The following ERBB4 variants were observed in gnomAD, a reference collection of about 807,000 sequenced individuals.
ERBB4 encodes erb-b2 receptor tyrosine kinase 4, also known as receptor tyrosine-protein kinase erbB-4.
ERBB4 carries 42 observed loss-of-function variants against 158.0 expected under a neutral mutation model. The ratio of observed to expected loss-of-function variants is 0.27; its 90% CI spans 0.21 to 0.34. The LOEUF is 0.34. Ranked by LOEUF, ERBB4 falls within the 10% of genes least tolerant of loss-of-function variation. ERBB4 has a pLI of 1.00. For synonymous variants in ERBB4, 583 were observed against 558.7 expected (o/e 1.04, Z -0.61); for missense variants, 1,333 against 1,624.1 (o/e 0.82, Z 3.08).
In ERBB4 at chr2:211,712,061, A is replaced by G. The variant is rs559570478; in HGVS notation, c.1113T>C (p.Thr371=). 4 of 1,612,108 alleles carry G rather than the reference A, an allele frequency of 2.5e-6. No individual in the cohort carries two copies. The African/African-American group carries it at 5.3e-5, about 21-fold the overall frequency. Reference sequence around the variant, plus strand: ...AATTTAATACTGACCCATGAATACCAGTGACTAGAAAGATCAAATTCCCAT... The same window carrying G: ...AATTTAATACTGACCCATGAATACCGGTGACTAGAAAGATCAAATTCCCAT... ...KINGNLIFLV[T]GIHGDPYNAI... is the part of the protein sequence containing the mutation. The change falls in exon 9 of 28, where the codon ACT becomes ACC. Residue 371 remains threonine, a synonymous_variant. Coordinates refer to ENST00000342788, the MANE Select transcript of ERBB4 (RefSeq NM_005235.3).
chr2:211,650,482 G>A (rs908932262), intron 16 of ERBB4, among the ~76,000 whole-genome samples: 3 of 151,930 alleles, frequency 2.0e-5, no homozygotes, highest in African/African-American at 7.2e-5. Flanking sequence ...AAATATACAG[G>A]TATATGCAAT....
chr2:212,317,071 C>A (rs1016767034), intron 1 of ERBB4, among the ~76,000 whole-genome samples: 1 of 151,340 alleles, frequency 6.6e-6, no homozygotes, highest in Non-Finnish European at 1.5e-5. Flanking sequence ...ATGAATTTTC[C>A]AACTAAAAAT....
At chr2:212,187,421 TAATA>T (rs71054181) in intron 1 of ERBB4, among the ~76,000 whole-genome samples, 2,452 of 146,774 alleles carry the variant, frequency 0.017, 43 homozygotes, top group African/African-American at 0.053. Flanking sequence ...TAAAGTATAA[TAATA>T]AATAAATAAA....
intron 1 of ERBB4, among the ~76,000 whole-genome samples, chr2:212,522,671 T>C (rs1404850521): frequency 6.6e-6 from 1 of 151,976 alleles, no homozygotes; most frequent in Non-Finnish European, 1.5e-5. Context: ...ATTACCTTTA[T>C]TCATTGCCTC....
intron 1 of ERBB4, among the ~76,000 whole-genome samples, chr2:212,360,680 T>G (rs2089652944): frequency 6.6e-6 from 1 of 151,698 alleles, no homozygotes; most frequent in African/African-American, 2.4e-5. Context: ...AAATGACCCT[T>G]TCTACCACAG....
intron 2 of ERBB4, among the ~76,000 whole-genome samples, chr2:212,120,938 C>CT (rs1206791412): frequency 6.6e-6 from 1 of 152,126 alleles, no homozygotes; most frequent in East Asian, 1.9e-4. Flanking sequence ...ATGGACTCCA[C>CT]TTACTATAAT....
Position 212,308,524 on chromosome 2 carries a change from T to G in ERBB4, c.83-183621A>C, listed in dbSNP as rs547903930. On this transcript the variant is annotated intron_variant, in intron 1 of 27. Coordinates refer to ENST00000342788, the MANE Select transcript of ERBB4 (RefSeq NM_005235.3). ...TGAAGAAGCTTTAAAAGACCAGAAT[T>G]TATTTGAAGTTATATAGTTTGACCT... Among the ~76,000 whole-genome samples the G allele has an allele frequency of 8.6e-5, 13 of 151,068 alleles. No individual in the cohort carries two copies. In the East Asian group the frequency reaches 2.2e-3, roughly 25 times the overall value.
Position 211,657,784 on chromosome 2 carries a change from G to T in ERBB4, c.1916C>A (p.Thr639Lys), listed in dbSNP as rs532377012. 1 of 1,613,868 alleles carries T rather than the reference G, an allele frequency of 6.2e-7. No individual in the cohort carries two copies. Among genetic ancestry groups the T allele is most frequent in the East Asian group, 2.2e-5 (1 of 44,854 alleles). ...ATGTTGTGGTAAAGTGGAATGGCCC[G>T]TCCATGGGTAGTAAATGCAGTCATG... ...TSHDCIYYPW[T>K]GHSTLPQHAR... The change falls in exon 16 of 28, where the codon ACG becomes AAG. Residue 639 changes from threonine (T) to lysine (K), a missense_variant. Thr to Lys is a moderately conservative substitution (Grantham distance 78, BLOSUM62 -1). Around this residue, in one of 5 missense-constraint regions of ERBB4, gnomAD observed 245 missense variants for 247.5 expected, o/e 0.99. Transcript: ENST00000342788.
At chr2:211,673,878 G>A (rs1488799871) in intron 13 of ERBB4, among the ~76,000 whole-genome samples, 1 of 151,878 alleles carries the variant, frequency 6.6e-6, no homozygotes, top group Non-Finnish European at 1.5e-5. Flanking sequence ...TCTTTTTGTA[G>A]TCTAAATTCT....
intron 2 of ERBB4, among the ~76,000 whole-genome samples, chr2:211,988,786 T>A (rs2081999347): frequency 6.6e-6 from 1 of 152,100 alleles, no homozygotes. Flanking sequence ...AAGCTACTTT[T>A]ATCAATCTTT....
intron 1 of ERBB4, among the ~76,000 whole-genome samples, chr2:212,397,306 C>G (rs1331791801): frequency 6.6e-6 from 1 of 151,970 alleles, no homozygotes; most frequent in Admixed American, 6.6e-5. Flanking sequence ...GAAACCCACT[C>G]TCTACAAAAA....
intron 1 of ERBB4, among the ~76,000 whole-genome samples, chr2:212,230,788 A>T (rs1416518165): frequency 6.6e-6 from 1 of 152,190 alleles, no homozygotes; most frequent in Non-Finnish European, 1.5e-5. Context: ...GTTATAATAC[A>T]AAAGTTTTTC....
intron 1 of ERBB4, among the ~76,000 whole-genome samples, chr2:212,449,157 T>G (rs1382706243): frequency 6.6e-6 from 1 of 152,158 alleles, no homozygotes; most frequent in East Asian, 1.9e-4. Context: ...TTCTTTATCA[T>G]GGAATAGCAC....
chr2:212,536,817 T>C (rs1693096000), intron 1 of ERBB4, among the ~76,000 whole-genome samples: 1 of 152,138 alleles, frequency 6.6e-6, no homozygotes, highest in Admixed American at 6.5e-5. Context: ...TAGAAATTCC[T>C]CTCGGCTAAG....
chr2:211,691,163 T>A (rs542689921), intron 12 of ERBB4, among the ~76,000 whole-genome samples: 1 of 152,348 alleles, frequency 6.6e-6, no homozygotes, highest in African/African-American at 2.4e-5. Flanking sequence ...GTGGTCATCA[T>A]AGTTAAGGTT....
chr2:211,866,969 C>T (rs1251445319), intron 3 of ERBB4, among the ~76,000 whole-genome samples: 1 of 138,400 alleles, frequency 7.2e-6, no homozygotes, highest in Admixed American at 7.7e-5. Context: ...TTCCTTCTGT[C>T]TTCTCCCTTC....
chr2:211,999,895 T>TA (rs1229425934), intron 2 of ERBB4, among the ~76,000 whole-genome samples: 13 of 151,472 alleles, frequency 8.6e-5, no homozygotes, highest in Non-Finnish European at 1.2e-4. Flanking sequence ...TGTCTCTTTC[T>TA]AAAAAAAAGT....
At chr2:211,420,074 TAAGA>T (rs1266294305) in intron 25 of ERBB4, among the ~76,000 whole-genome samples, 9 of 152,058 alleles carry the variant, frequency 5.9e-5, no homozygotes, top group African/African-American at 2.2e-4. Context: ...AATATCTTTT[TAAGA>T]AAGAAAAGTA....
intron 1 of ERBB4, among the ~76,000 whole-genome samples, chr2:212,401,026 T>A (rs2091188979): frequency 6.6e-6 from 1 of 152,194 alleles, no homozygotes; most frequent in African/African-American, 2.4e-5. Context: ...TTCATAACGA[T>A]ACAGCACTTA....
Sources: gnomAD v4.1 joint callset for allele counts (sites outside exome capture counted in the v4.1 genomes callset) on GRCh38, gnomAD v4.1.1 for gene constraint, gnomAD v4.1.1 regional missense constraint, MANE v1.5 for transcripts, NCBI Gene and HGNC (gene_info 2026-07-23, HGNC 2026-07-21) for gene names.